The following CCDC30 variants were observed in gnomAD, a reference collection of about 807,000 sequenced individuals.
CCDC30 encodes the protein coiled-coil domain containing 30, also known as coiled-coil domain-containing protein 30.
Under a neutral mutation model 100.2 loss-of-function variants are expected in CCDC30, and 70 were observed. The ratio of observed to expected loss-of-function variants is 0.70; its 90% CI spans 0.58 to 0.85. The LOEUF is 0.85. Ranked by LOEUF, CCDC30 falls within the 40% of genes least tolerant of loss-of-function variation. CCDC30 has a pLI of 0.00. For synonymous variants in CCDC30, 233 were observed against 269.5 expected (o/e 0.86, Z 1.33); for missense variants, 652 against 771.2 (o/e 0.85, Z 1.83).
intron 15 of CCDC30, among the ~76,000 whole-genome samples, chr1:42,651,152 CATG>C (rs1329866860): frequency 2.0e-5 from 3 of 152,172 alleles, no homozygotes; most frequent in African/African-American, 4.8e-5. Context: ...GGAAAAACTA[CATG>C]ATATTGACCT....
chr1:42,467,452 C>T (rs997389234), intron 1 of CCDC30, among the ~76,000 whole-genome samples: 3 of 151,960 alleles, frequency 2.0e-5, no homozygotes, highest in African/African-American at 7.2e-5. Flanking sequence ...TGGTTGCATA[C>T]CAGAGTAGAA....
rs938796944 is a variant in CCDC30 at position 42,650,515 on chromosome 1, G to A, written c.1855-2861G>A. Among the ~76,000 whole-genome samples the A allele has an allele frequency of 5.1e-4, 78 of 151,516 alleles. 1 individual carries two copies. Among genetic ancestry groups the A allele is most frequent in the Non-Finnish European group, 1.5e-4 (10 of 67,820 alleles). On this transcript the variant is annotated intron_variant, in intron 15 of 16. Coordinates refer to ENST00000668663, the Ensembl canonical transcript of CCDC30. The stretch of plus-strand genomic sequence containing the variant: ...AATATATATGTGTGTGTGTGTGTGT[G>A]TGTGTGTGTGTGTGTGTGTGTGTGT...
chr1:42,491,434 A>C (rs1644139324), intron 4 of CCDC30, among the ~76,000 whole-genome samples: 1 of 152,110 alleles, frequency 6.6e-6, no homozygotes, highest in Non-Finnish European at 1.5e-5. Flanking sequence ...AGAGAGCAGA[A>C]AGATTGTTAC....
intron 6 of CCDC30, among the ~76,000 whole-genome samples, chr1:42,501,939 A>C (rs1380726560): frequency 1.3e-5 from 2 of 152,176 alleles, no homozygotes; most frequent in Non-Finnish European, 2.9e-5. Flanking sequence ...CTGTTCTCAG[A>C]TCTCAAACTC....
chr1:42,456,404 A>G, the CCDC30 span: 1 of 815,456 alleles, frequency 1.2e-6, no homozygotes. Flanking sequence ...TCTGGGGCAG[A>G]ACAACTACGC....
downstream of CCDC30, among the ~76,000 whole-genome samples, chr1:42,657,095 T>G (rs1189472528): frequency 6.6e-6 from 1 of 152,208 alleles, no homozygotes; most frequent in Non-Finnish European, 1.5e-5. Flanking sequence ...TATTTTTATA[T>G]GTAATCCTTG....
chr1:42,581,587 C>G lies in CCDC30; in HGVS notation c.1001+73C>G, dbSNP rs1262959161. 2.9e-6 allele frequency: 4 copies of G among 1,384,234 alleles called. No homozygotes were observed. The African/African-American group carries it at 5.9e-5, about 20-fold the overall frequency. The allele number at this position is 1,384,234 out of a possible 1,614,324, so 85.7% of individuals were successfully genotyped here. A position where few individuals can be genotyped will look rare whatever the true frequency, so the allele number is the denominator to read the frequency against. Reference sequence around the variant, plus strand: ...AGTTAATCAGCAATATCAATTTTTTCTAACAGAATATCAGAGAGTATTTCT... The same window carrying G: ...AGTTAATCAGCAATATCAATTTTTTGTAACAGAATATCAGAGAGTATTTCT... On this transcript the variant is annotated intron_variant, in intron 9 of 16. Coordinates refer to ENST00000668663, the Ensembl canonical transcript of CCDC30.
intron 2 of CCDC30, 106 bp from the exon 3 acceptor site, chr1:42,482,557 A>C (rs1417040635): frequency 4.3e-5 from 25 of 575,320 alleles, no homozygotes; most frequent in Middle Eastern, 3.3e-4. Flanking sequence ...ATACACATAG[A>C]TATTGTTTGC....
intron 3 of CCDC30, among the ~76,000 whole-genome samples, chr1:42,484,042 T>G (rs1644008292): frequency 6.7e-6 from 1 of 149,032 alleles, no homozygotes; most frequent in Admixed American, 6.8e-5. Context: ...ACAAATGCAA[T>G]GTATAGGTTA....
At chr1:42,642,729 G>T (rs574964260) in intron 13 of CCDC30, 120 bp downstream of exon 17, 8 of 959,008 alleles carry the variant, frequency 8.3e-6, no homozygotes, top group East Asian at 2.9e-5. Context: ...CTCTCGCTCC[G>T]CTGTCTGCTG....
At chr1:42,558,046 A>G (rs560822009) in intron 6 of CCDC30, 1 of 205,146 alleles carries the variant, frequency 4.9e-6, no homozygotes, top group East Asian at 1.5e-4. Context: ...TGGTGGGAAA[A>G]AAAATAGAGA....
chr1:42,653,495 GCC>G (rs1648528818), intron 16 of CCDC30, 52 bp downstream of exon 20: 69 of 1,196,894 alleles, frequency 5.8e-5, no homozygotes, highest in Non-Finnish European at 7.9e-5. Flanking sequence ...TGGACTGTCA[GCC>G]ATGCCTGAGA....
At chr1:42,529,641 G>T (rs1457422138) in intron 6 of CCDC30, 2 of 152,174 alleles carry the variant, frequency 1.3e-5, no homozygotes, top group Non-Finnish European at 2.9e-5. Context: ...TGGCAGCCAG[G>T]TGATGGTGAT....
intron 6 of CCDC30, among the ~76,000 whole-genome samples, chr1:42,556,966 C>A (rs1645383207): frequency 6.6e-6 from 1 of 152,054 alleles, no homozygotes. Flanking sequence ...ATGGCTTTTG[C>A]TATTTTACTA....
At chr1:42,620,181 C>A (rs1000154209) in intron 11 of CCDC30, among the ~76,000 whole-genome samples, 1 of 152,006 alleles carries the variant, frequency 6.6e-6, no homozygotes, top group Non-Finnish European at 1.5e-5. Flanking sequence ...TTCTCAGGAG[C>A]TAAATGATAA....
intron 6 of CCDC30, among the ~76,000 whole-genome samples, chr1:42,538,282 A>T (rs1410098119): frequency 2.6e-5 from 4 of 151,620 alleles, no homozygotes; most frequent in African/African-American, 4.8e-5. Flanking sequence ...GTGAGCTGTG[A>T]TCGCACCACT....
intron 7 of CCDC30, among the ~76,000 whole-genome samples, chr1:42,567,258 C>A (rs1424136441): frequency 6.6e-6 from 1 of 152,114 alleles, no homozygotes; most frequent in South Asian, 2.1e-4. Flanking sequence ...TTATTGGCAG[C>A]CATATCTGTC....
At position 42,618,278 on chromosome 1, in the gene CCDC30, C is replaced by CCAGGCTGGA. The variant is rs1163095304; in HGVS notation, c.1277+7189_1277+7197dup. ...TGAGATGGAGTTTTGCTCTTGTTGC[C>CCAGGCTGGA]CAGGCTGGAGTGCAGTGGTGCCATC... On this transcript the variant is annotated intron_variant, in intron 11 of 16. Transcript: ENST00000668663. 1.1e-4 allele frequency among the ~76,000 whole-genome samples: 15 copies of CCAGGCTGGA among 132,988 alleles called. No individual in the cohort carries two copies. In the South Asian group the frequency reaches 1.6e-3, roughly 14 times the overall value. 87.2% of individuals were successfully genotyped at this position (132,988 alleles called of 152,430 possible).
chr1:42,464,734 A>G (rs866627157), intron 1 of CCDC30, among the ~76,000 whole-genome samples: 23 of 152,288 alleles, frequency 1.5e-4, no homozygotes, highest in African/African-American at 4.3e-4. Context: ...GAATCTTACT[A>G]TTTCTTCTTC....
Sources: gnomAD v4.1 joint callset for allele counts (sites outside exome capture counted in the v4.1 genomes callset) on GRCh38, gnomAD v4.1.1 for gene constraint, MANE v1.5 for transcripts, NCBI Gene and HGNC (gene_info 2026-07-23, HGNC 2026-07-21) for gene names.